The following DNAH2 variants were observed in gnomAD, a reference collection of about 807,000 sequenced individuals.
The protein encoded by DNAH2 is dynein axonemal heavy chain 2.
DNAH2 carries 323 observed loss-of-function variants against 523.5 expected under a neutral mutation model. That is an observed-to-expected ratio of 0.62 (90% CI 0.56 to 0.68). DNAH2 has a LOEUF of 0.68. DNAH2 is among the 30% of genes least tolerant of loss of function. The probability of loss-of-function intolerance (pLI) is 0.00; values close to 1 mark genes in which losing one functional copy is unlikely to be tolerated. For missense variants in DNAH2, 4,907 were observed against 5,701.5 expected, an observed-to-expected ratio of 0.86 and a Z score of 4.49; for synonymous variants, 2,093 against 2,177.4, an observed-to-expected ratio of 0.96 and a Z score of 1.08.
rs974445514 is a variant in DNAH2, at chr17:7,821,745, C to T, written c.11142+376C>T. Among the ~76,000 whole-genome samples the T allele has an allele frequency of 1.2e-4, 19 of 152,118 alleles. No homozygotes were observed. Among genetic ancestry groups the T allele is most frequent in the Middle Eastern group, 3.2e-3 (1 of 316 alleles). On this transcript the variant is annotated intron_variant, in intron 73 of 85. Transcript: ENST00000572933. This position sits in a 1 kb window ranked among gnomAD's most constrained non-coding sequence, Gnocchi z 5.0. ...TTTCTCCTCTCTCTGTCGCATCTAC[C>T]GCTCTGGCTAGATCCAGCTCCTCTT...
intron 10 of DNAH2, 47 bp from the exon 11 acceptor site, chr17:7,740,763 A>G: frequency 6.3e-7 from 1 of 1,575,388 alleles, no homozygotes; most frequent in Non-Finnish European, 8.7e-7. Context: ...ACCGGAGGGA[A>G]CCCGCCTTCC....
Position 7,786,841 on chromosome 17 carries a change from C to A in DNAH2, c.6467-56C>A, listed in dbSNP as rs1247284703. 1.2e-6 allele frequency: 2 copies of A among 1,610,872 alleles called. No individual in the cohort carries two copies. Among genetic ancestry groups the A allele is most frequent in the African/African-American group, 2.7e-5 (2 of 74,840 alleles). The stretch of plus-strand genomic sequence containing the variant: ...GGCTTGTGTCTCCGAGGAGCGTGAG[C>A]GGAGGGTGCAAGGTGAGCGGCTCCC... On this transcript the variant is annotated intron_variant, in intron 41 of 85. Transcript: ENST00000572933. The surrounding 1 kb of genome is among the most constrained non-coding windows in gnomAD (Gnocchi z 7.5).
intron 11 of DNAH2, among the ~76,000 whole-genome samples, chr17:7,741,286 C>CTTTCT (rs1784744130): frequency 1.6e-5 from 1 of 62,356 alleles, no homozygotes; most frequent in Non-Finnish European, 2.8e-5. Flanking sequence ...TTCTTTCTTT[C>CTTTCT]TTTCTTTCTT....
Position 7,763,922 on chromosome 17 carries a change from C to T in DNAH2, c.3070C>T (p.Leu1024=), listed in dbSNP as rs377307607. Residue 1024 remains leucine, a synonymous_variant, in exon 19 of 86, where the codon CTG becomes TTG. Coordinates refer to ENST00000572933, the MANE Select transcript of DNAH2 (RefSeq NM_020877.5). ...GGACTGTTCGCACCTCAAGTTCTCCCTGGTGCAGCACTGCAATGAATGGCA... is the reference window on the plus strand; with the variant it reads ...GGACTGTTCGCACCTCAAGTTCTCCTTGGTGCAGCACTGCAATGAATGGCA... ...LLDCSHLKFS[L]VQHCNEWQNK... is the part of the protein sequence containing the mutation. 6.2e-7 allele frequency: 1 copy of T among 1,614,094 alleles called. No individual in the cohort carries two copies. Among genetic ancestry groups the T allele is most frequent in the African/African-American group, 1.3e-5 (1 of 74,924 alleles).
intron 21 of DNAH2, 111 bp from the exon 22 acceptor site, chr17:7,766,207 C>A: frequency 8.5e-7 from 1 of 1,181,518 alleles, no homozygotes; most frequent in Non-Finnish European, 1.2e-6. Flanking sequence ...CTTCCCTTCC[C>A]TCTCTCACGT....
chr17:7,787,524 C>T (rs1018723846), intron 42 of DNAH2: 2 of 253,922 alleles, frequency 7.9e-6, no homozygotes, highest in Non-Finnish European at 7.6e-6. Context: ...CACTTGAGGT[C>T]AGGAGTTCAA....
intron 24 of DNAH2, 108 bp downstream of exon 24, chr17:7,768,375 CT>C (rs1191906690): frequency 9.4e-7 from 1 of 1,058,460 alleles, no homozygotes; most frequent in Non-Finnish European, 1.4e-6. Context: ...CTCTCTTCCC[CT>C]CTGTCCACAA....
chr17:7,823,919 C>T lies in DNAH2; in HGVS notation c.11415C>T (p.Thr3805=). 6.2e-7 allele frequency: 1 copy of T among 1,614,054 alleles called. No homozygotes were observed. The highest frequency in any genetic ancestry group is 8.5e-7 in the Non-Finnish European group (1 of 1,180,046). Residue 3805 remains threonine, a synonymous_variant, in exon 75 of 86, where the codon ACC becomes ACT. Coordinates refer to ENST00000572933, the MANE Select transcript of DNAH2 (RefSeq NM_020877.5). The part of the protein sequence containing the change: ...LRQDRVAFCV[T]SFIITNLGSR... ...AGGACCGCGTGGCCTTCTGCGTGAC[C>T]TCCTTCATCATCACCAACCTTGGCT...
chr17:7,752,420 G>T (rs1006298249), intron 12 of DNAH2, among the ~76,000 whole-genome samples: 1 of 152,018 alleles, frequency 6.6e-6, no homozygotes, highest in Admixed American at 6.5e-5. Context: ...CGTAAAACTT[G>T]TATGTTCAGG....
chr17:7,818,251 G>A, intron 68 of DNAH2, 61 bp from the exon 69 acceptor site: 2 of 1,603,708 alleles, frequency 1.2e-6, no homozygotes, highest in Non-Finnish European at 1.7e-6. Flanking sequence ...TGCCGGTGGG[G>A]GATGGGTTAG....
chr17:7,822,956 G>A (rs1453394433), intron 73 of DNAH2, among the ~76,000 whole-genome samples: 3 of 152,098 alleles, frequency 2.0e-5, no homozygotes, highest in Admixed American at 6.5e-5. Context: ...TAGCCCCCAC[G>A]TTTATTCCCC....
chr17:7,792,543 C>A, intron 46 of DNAH2, 114 bp from the exon 47 acceptor site: 2 of 1,031,912 alleles, frequency 1.9e-6, no homozygotes, highest in Non-Finnish European at 2.9e-6. Context: ...GATCCCCAGG[C>A]CCCACAGGAG....
At chr17:7,727,524 CGGGT>C (rs2074856422) in intron 4 of DNAH2, among the ~76,000 whole-genome samples, 2 of 152,152 alleles carry the variant, frequency 1.3e-5, no homozygotes, top group South Asian at 2.1e-4. Context: ...GAGGCCGAGG[CGGGT>C]GGGCGGATCA....
rs761544479 is a variant in DNAH2, at chr17:7,816,573, A to G, written c.9732A>G (p.Val3244=). 2.5e-6 allele frequency: 4 copies of G among 1,614,084 alleles called. No homozygotes were observed. The South Asian group carries it at 4.4e-5, about 18-fold the overall frequency. Residue 3244 remains valine, a splice_region_variant and synonymous_variant, in exon 64 of 86, where the codon GTA becomes GTG. Transcript: ENST00000572933. ...CGCTATACTCGAATCTCTCCCAGGT[A>G]GCTGAGAAACTGGAGATGCTAAAGA... ...LAEAQEKLRE[V]AEKLEMLKKQ...
chr17:7,804,566 C>T lies in DNAH2; in HGVS notation c.9183+100C>T, dbSNP rs1292001013. 4 of 1,369,842 alleles carry T rather than the reference C, an allele frequency of 2.9e-6. No homozygotes were observed. In the Admixed American group the frequency reaches 6.0e-5, roughly 21 times the overall value. 84.9% of individuals were successfully genotyped at this position (1,369,842 alleles called of 1,614,324 possible). A position where few individuals can be genotyped will look rare whatever the true frequency, so the allele number is the denominator to read the frequency against. ...CCCCTTCTTAAATTTTCTTTAGTGACTGGGTGCAGTGGCTCACGCCTGTAA... is the reference window on the plus strand; with the variant it reads ...CCCCTTCTTAAATTTTCTTTAGTGATTGGGTGCAGTGGCTCACGCCTGTAA... On this transcript the variant is annotated intron_variant, in intron 59 of 85. Transcript: ENST00000572933.
chr17:7,822,022 C>G (rs997057495), intron 73 of DNAH2, among the ~76,000 whole-genome samples: 2 of 152,112 alleles, frequency 1.3e-5, no homozygotes, highest in African/African-American at 4.8e-5. Flanking sequence ...GTGGCTGGAC[C>G]GCAGTGGCAG....
At chr17:7,739,076 A>G (rs2075227024) in intron 8 of DNAH2, 2 of 688,990 alleles carry the variant, frequency 2.9e-6, no homozygotes, top group Non-Finnish European at 5.3e-6. Context: ...CCCACCTCCC[A>G]CCCCAGGAAC....
At position 7,833,205 on chromosome 17, in the gene DNAH2, CAAG is replaced by C. The variant is rs1313542700; in HGVS notation, c.13118_13120del (p.Lys4373del). On this transcript the variant is annotated inframe_deletion, in exon 85 of 86. Transcript: ENST00000572933. Reference sequence around the variant, plus strand: ...TCCACTTCCGGCCTGCAGAGAGCCGCAAGAAGAGCGCCAAGGGTGGGACAGCTC... The same window carrying C: ...TCCACTTCCGGCCTGCAGAGAGCCGCAAGAGCGCCAAGGGTGGGACAGCTC... 2 of 1,607,394 alleles carry C rather than the reference CAAG, an allele frequency of 1.2e-6. No homozygotes were observed. The highest frequency in any genetic ancestry group is 2.2e-5 in the South Asian group (2 of 91,056).
chr17:7,768,204 T>C lies in DNAH2; in HGVS notation c.3878T>C (p.Ile1293Thr), dbSNP rs1399473873. 2.5e-6 allele frequency: 4 copies of C among 1,614,090 alleles called. No individual in the cohort carries two copies. The highest frequency in any genetic ancestry group is 3.4e-6 in the Non-Finnish European group (4 of 1,180,020). Residue 1293 changes from isoleucine to threonine, a missense_variant, in exon 24 of 86, where the codon ATA becomes ACA. This residue lies in a region of DNAH2 where 2,806 missense variants were observed against 3,190.8 expected (regional missense o/e 0.88). Transcript: ENST00000572933. ...WEIIETTRSK[I>T]EQFKRTMPLI... ...ATTATTGAAACCACTCGCTCAAAAATAGAGCAGTTCAAGAGGACCATGCCT... is the reference window on the plus strand; with the variant it reads ...ATTATTGAAACCACTCGCTCAAAAACAGAGCAGTTCAAGAGGACCATGCCT...
Sources: gnomAD v4.1 joint callset for allele counts (sites outside exome capture counted in the v4.1 genomes callset) on GRCh38, gnomAD v4.1.1 for gene constraint, gnomAD v4.1.1 regional missense constraint, Gnocchi (gnomAD v3.1) non-coding constraint, MANE v1.5 for transcripts, NCBI Gene and HGNC (gene_info 2026-07-23, HGNC 2026-07-21) for gene names.